KIAA0232: variants seen among roughly 807,000 people sequenced by gnomAD.
KIAA0232 encodes KIAA0232.
KIAA0232 carries 27 observed loss-of-function variants against 122.0 expected under a neutral mutation model. The observed-to-expected ratio is 0.22, with a 90% CI of 0.16 to 0.31. The LOEUF (loss-of-function observed/expected upper bound fraction) is 0.31. Ranked by LOEUF, KIAA0232 falls within the 10% of genes least tolerant of loss-of-function variation. The pLI, the probability that KIAA0232 is intolerant of heterozygous loss-of-function variation, is 1.00. For missense variants in KIAA0232, 1,551 were observed against 1,634.2 expected (o/e 0.95, Z 0.88); for synonymous variants, 613 against 587.6 (o/e 1.04, Z -0.63).
At chr4:6,868,555 A>C (rs1476825541) in intron 7 of KIAA0232, among the ~76,000 whole-genome samples, 1 of 152,098 alleles carries the variant, frequency 6.6e-6, no homozygotes, top group African/African-American at 2.4e-5. Flanking sequence ...AAATACTTAG[A>C]GGTAAGAGAG....
intron 3 of KIAA0232, among the ~76,000 whole-genome samples, chr4:6,833,334 C>T (rs1398714548): frequency 1.3e-5 from 2 of 152,162 alleles, no homozygotes; most frequent in African/African-American, 4.8e-5. Context: ...TTCAGAGCTC[C>T]AGGAAGAAAG....
At chr4:6,817,773 G>T (rs994365636) in intron 2 of KIAA0232, among the ~76,000 whole-genome samples, 16 of 152,118 alleles carry the variant, frequency 1.1e-4, no homozygotes, top group South Asian at 2.1e-4. Flanking sequence ...GAGGTTTTGA[G>T]ATCTAGTGTA....
chr4:6,827,267 AGCCAGAT>A lies in KIAA0232; in HGVS notation c.231+2587_231+2593del, dbSNP rs536227821. Reference sequence around the variant, plus strand: ...ACAGTCCCTTGTTAAAGGTGGCAAAAGCCAGATGCCTGACTCAAAGGGAGGATGTACT... The same window carrying A: ...ACAGTCCCTTGTTAAAGGTGGCAAAAGCCTGACTCAAAGGGAGGATGTACT... On this transcript the variant is annotated intron_variant, in intron 3 of 9. Coordinates refer to ENST00000307659, the MANE Select transcript of KIAA0232 (RefSeq NM_014743.3). Among the ~76,000 whole-genome samples the A allele has an allele frequency of 1.0e-3, 159 of 152,358 alleles. 5 individuals carry two copies. In the South Asian group the frequency reaches 0.032, roughly 31 times the overall value.
intron 7 of KIAA0232, among the ~76,000 whole-genome samples, chr4:6,871,234 A>C (rs892732373): frequency 6.6e-6 from 1 of 152,180 alleles, no homozygotes; most frequent in Non-Finnish European, 1.5e-5. Context: ...GGAGTTCGAG[A>C]CCAGCCTGGC....
intron 4 of KIAA0232, among the ~76,000 whole-genome samples, chr4:6,842,704 G>T (rs912271178): frequency 2.0e-5 from 3 of 151,596 alleles, no homozygotes; most frequent in African/African-American, 7.3e-5. Flanking sequence ...TTGTGCCTCA[G>T]CCTCCGGAGT....
intron 1 of KIAA0232, among the ~76,000 whole-genome samples, chr4:6,783,739 G>C (rs1302358889): frequency 6.6e-6 from 1 of 151,824 alleles, no homozygotes; most frequent in Non-Finnish European, 1.5e-5. Context: ...CGCAAGGTTT[G>C]GCGAAGGTTA....
intron 4 of KIAA0232, among the ~76,000 whole-genome samples, chr4:6,843,933 T>C (rs1719806264): frequency 1.0e-5 from 1 of 99,840 alleles, no homozygotes; most frequent in South Asian, 3.6e-4. Context: ...CCATCTTTTT[T>C]TTTTTTTTTT....
chr4:6,825,011 T>C (rs147921589), intron 3 of KIAA0232, among the ~76,000 whole-genome samples: 258 of 152,378 alleles, frequency 1.7e-3, no homozygotes, highest in African/African-American at 5.9e-3. Flanking sequence ...TGTTGATTTC[T>C]ACTATTTAGA....
chr4:6,791,551 A>G (rs560905591), intron 1 of KIAA0232, among the ~76,000 whole-genome samples: 1 of 151,670 alleles, frequency 6.6e-6, no homozygotes, highest in African/African-American at 2.4e-5. Flanking sequence ...CTGTTCTGGA[A>G]CTCCTGAACT....
intron 3 of KIAA0232, among the ~76,000 whole-genome samples, chr4:6,830,003 T>G (rs368005928): frequency 3.9e-5 from 6 of 152,234 alleles, no homozygotes; most frequent in African/African-American, 1.4e-4. Flanking sequence ...TATACATTGA[T>G]GTTCTCAGCA....
chr4:6,828,300 G>C (rs567684998), intron 3 of KIAA0232, among the ~76,000 whole-genome samples: 4 of 152,312 alleles, frequency 2.6e-5, no homozygotes, highest in African/African-American at 4.8e-5. Context: ...CTTGAGCCTG[G>C]GGGGTGGAGG....
At chr4:6,871,212 T>G (rs1404846315) in intron 7 of KIAA0232, among the ~76,000 whole-genome samples, 3 of 152,136 alleles carry the variant, frequency 2.0e-5, no homozygotes, top group Admixed American at 1.3e-4. Flanking sequence ...CTTGGCAGAT[T>G]GCTTGAGCCC....
At chr4:6,868,864 T>C (rs531871479) in intron 7 of KIAA0232, among the ~76,000 whole-genome samples, 9 of 152,280 alleles carry the variant, frequency 5.9e-5, no homozygotes, top group African/African-American at 1.9e-4. Context: ...GGAATTGACA[T>C]TCAAATGGAG....
chr4:6,842,099 A>C lies in KIAA0232; in HGVS notation c.264A>C (p.Gly88=), dbSNP rs1339163121. The part of the protein sequence containing the change: ...ENDIFLGWEK[G]AYKKWGKSKK... Reference sequence around the variant, plus strand: ...ACATCTTCCTGGGCTGGGAAAAAGGAGCTTATAAGAAATGGGGAAAGAGTA... The same window carrying C: ...ACATCTTCCTGGGCTGGGAAAAAGGCGCTTATAAGAAATGGGGAAAGAGTA... Residue 88 remains glycine, a synonymous_variant, in exon 4 of 10, where the codon GGA becomes GGC. Coordinates refer to ENST00000307659, the MANE Select transcript of KIAA0232 (RefSeq NM_014743.3). 6.2e-7 allele frequency: 1 copy of C among 1,613,642 alleles called. No homozygotes were observed. The highest frequency in any genetic ancestry group is 8.5e-7 in the Non-Finnish European group (1 of 1,179,880).
chr4:6,826,375 C>A (rs1052152751), intron 3 of KIAA0232, among the ~76,000 whole-genome samples: 5 of 152,096 alleles, frequency 3.3e-5, no homozygotes, highest in African/African-American at 1.2e-4. Context: ...CAAATATGCT[C>A]CTTTACAGGC....
At chr4:6,845,165 T>G (rs865963325) in intron 4 of KIAA0232, among the ~76,000 whole-genome samples, 12 of 152,314 alleles carry the variant, frequency 7.9e-5, no homozygotes, top group Middle Eastern at 3.4e-3. Context: ...AGAGAGAATC[T>G]GATTGGCTGG....
At chr4:6,788,081 C>G (rs1313211561) in intron 1 of KIAA0232, among the ~76,000 whole-genome samples, 1 of 152,206 alleles carries the variant, frequency 6.6e-6, no homozygotes, top group Non-Finnish European at 1.5e-5. Context: ...CTCTGTCACT[C>G]ATGCTGGAGT....
At chr4:6,798,074 G>C (rs181699850) in intron 1 of KIAA0232, among the ~76,000 whole-genome samples, 7 of 151,598 alleles carry the variant, frequency 4.6e-5, no homozygotes, top group Non-Finnish European at 1.0e-4. Context: ...AAAAAAAAGA[G>C]AGACATAAAA....
intron 4 of KIAA0232, among the ~76,000 whole-genome samples, chr4:6,846,159 A>C (rs1719955603): frequency 6.6e-6 from 1 of 152,232 alleles, no homozygotes; most frequent in East Asian, 1.9e-4. Context: ...AAATCTCACC[A>C]AATTAAAATT....
Sources: gnomAD v4.1 joint callset for allele counts (sites outside exome capture counted in the v4.1 genomes callset) on GRCh38, gnomAD v4.1.1 for gene constraint, MANE v1.5 for transcripts, NCBI Gene and HGNC (gene_info 2026-07-23, HGNC 2026-07-21) for gene names.